Variants in PALD1 observed in about 807,000 individuals in gnomAD.
PALD1 encodes the protein paladin.
Under a neutral mutation model 96.0 loss-of-function variants are expected in PALD1, and 57 were observed. That is an observed-to-expected ratio of 0.59 (90% CI 0.48 to 0.74). The LOEUF (loss-of-function observed/expected upper bound fraction) is 0.74. PALD1 is among the 30% of genes least tolerant of loss of function. PALD1 has a pLI of 0.00. For synonymous variants in PALD1, 464 were observed against 473.6 expected (o/e 0.98, Z 0.26); for missense variants, 1,063 against 1,143.7 (o/e 0.93, Z 1.02).
intron 18 of PALD1, among the ~76,000 whole-genome samples, chr10:70,555,868 G>GCGGTCACCTGTAGTCC (rs1350981705): frequency 6.6e-6 from 1 of 152,148 alleles, no homozygotes; most frequent in African/African-American, 2.4e-5. Context: ...GCGCGAGGTG[G>GCGGTCACCTGTAGTCC]CGGTCACCTG....
In PALD1 at chr10:70,539,307, A is replaced by G; in HGVS notation, c.1725+60A>G. The G allele has an allele frequency of 2.0e-6, 3 of 1,508,712 alleles. No individual in the cohort carries two copies. The highest frequency in any genetic ancestry group is 2.7e-6 in the Non-Finnish European group (3 of 1,121,178). The allele number at this position is 1,508,712 out of a possible 1,614,324, so 93.5% of individuals were successfully genotyped here. ...CGAGGCTTCTGGGGAGTGGCCTGGG[A>G]GGGTCTTCAGAAGGCCTCACACTCC... On this transcript the variant is annotated intron_variant, in intron 14 of 19. Coordinates refer to ENST00000263563, the MANE Select transcript of PALD1 (RefSeq NM_014431.3). The surrounding 1 kb of genome is among the most constrained non-coding windows in gnomAD (Gnocchi z 4.5).
At chr10:70,485,051 T>C (rs1845994596) in intron 1 of PALD1, among the ~76,000 whole-genome samples, 1 of 152,196 alleles carries the variant, frequency 6.6e-6, no homozygotes, top group Admixed American at 6.5e-5. Flanking sequence ...GAACTGTCTT[T>C]TCATGTGAAA....
intron 12 of PALD1, 140 bp downstream of exon 12, chr10:70,538,548 T>C (rs10999381): frequency 0.19 from 164,833 of 888,224 alleles, 17,511 homozygotes; most frequent in Middle Eastern, 0.26. Context: ...TGGGATCCTC[T>C]TGTGAACAGA....
Position 70,526,095 on chromosome 10 carries a change from C to T in PALD1, c.144C>T (p.Ala48=). 6.2e-7 allele frequency: 1 copy of T among 1,614,196 alleles called. No individual in the cohort carries two copies. The highest frequency in any genetic ancestry group is 8.5e-7 in the Non-Finnish European group (1 of 1,180,004). ...GCACTAGCTTGCATAACAGCAAGGCCAAGTCCATCATCCCCAACAAGGTGG... is the reference window on the plus strand; with the variant it reads ...GCACTAGCTTGCATAACAGCAAGGCTAAGTCCATCATCCCCAACAAGGTGG... ...FQSTSLHNSK[A]KSIIPNKVAP... The change falls in exon 2 of 20, where the codon GCC becomes GCT. Residue 48 remains alanine (A), a synonymous_variant. Transcript: ENST00000263563.
At position 70,531,276 on chromosome 10, in the gene PALD1, C is replaced by T. The variant is rs199518746; in HGVS notation, c.469-14C>T. On this transcript the variant is annotated splice_polypyrimidine_tract_variant and intron_variant, in intron 4 of 19. Coordinates refer to ENST00000263563, the MANE Select transcript of PALD1 (RefSeq NM_014431.3). The stretch of plus-strand genomic sequence containing the variant: ...TCATGATGATGGCTTCCTTCCCCCT[C>T]GGGCTCCTGGCAGGAGTGTGTCATC... The T allele has an allele frequency of 1.5e-4, 234 of 1,605,776 alleles. No homozygotes were observed. The African/African-American group carries it at 2.6e-3, about 18-fold the overall frequency.
chr10:70,465,667 C>G, the PALD1 span, among the ~76,000 whole-genome samples: 1 of 152,090 alleles, frequency 6.6e-6, no homozygotes, highest in East Asian at 1.9e-4. Flanking sequence ...AGCCTGACAC[C>G]CTCCAAGACA....
Position 70,539,952 on chromosome 10 carries a change from G to A in PALD1, c.1908+190G>A, listed in dbSNP as rs181283491. ...CCTTCCAAGCTTTGTGTGTGTGTACGTGTGTTTATTATGTGTTATAGGGTA... is the reference window on the plus strand; with the variant it reads ...CCTTCCAAGCTTTGTGTGTGTGTACATGTGTTTATTATGTGTTATAGGGTA... On this transcript the variant is annotated intron_variant, in intron 15 of 19. Transcript: ENST00000263563. This position sits in a 1 kb window ranked among gnomAD's most constrained non-coding sequence, Gnocchi z 4.5. 1.1e-4 allele frequency among the ~76,000 whole-genome samples: 16 copies of A among 152,208 alleles called. No homozygotes were observed. Among genetic ancestry groups the A allele is most frequent in the Non-Finnish European group, 1.3e-4 (9 of 68,004 alleles).
chr10:70,518,660 A>T (rs1335265667), intron 1 of PALD1, among the ~76,000 whole-genome samples: 1 of 152,210 alleles, frequency 6.6e-6, no homozygotes, highest in Admixed American at 6.5e-5. Context: ...ACTTGTTAAG[A>T]GTTGGCACCT....
At chr10:70,467,019 A>G in the PALD1 span, among the ~76,000 whole-genome samples, 1 of 152,252 alleles carries the variant, frequency 6.6e-6, no homozygotes, top group Non-Finnish European at 1.5e-5. Context: ...CCCTCTTCAG[A>G]GACTTGAAGT....
At chr10:70,462,695 C>T in the PALD1 span, among the ~76,000 whole-genome samples, 1 of 152,242 alleles carries the variant, frequency 6.6e-6, no homozygotes, top group African/African-American at 2.4e-5. Context: ...CCTTGTGCCC[C>T]CCTGGCACTG....
Position 70,539,619 on chromosome 10 carries a change from C to T in PALD1, c.1765C>T (p.Pro589Ser), listed in dbSNP as rs144093353. 26 of 1,612,666 alleles carry T rather than the reference C, an allele frequency of 1.6e-5. No homozygotes were observed. The African/African-American group carries it at 2.5e-4, about 16-fold the overall frequency. Residue 589 changes from proline (P) to serine (S), a missense_variant, in exon 15 of 20, where the codon CCC becomes TCC. Coordinates refer to ENST00000263563, the MANE Select transcript of PALD1 (RefSeq NM_014431.3). This position sits in a 1 kb window ranked among gnomAD's most constrained non-coding sequence, Gnocchi z 4.5. Reference protein sequence around the residue: ...AQLKAHLSEPPPGKEGPLTYR... With the variant: ...AQLKAHLSEPSPGKEGPLTYR... ...GCTGAAGGCCCATCTAAGCGAGCCT[C>T]CCCCAGGCAAGGAGGGCCCCCTGAC...
intron 1 of PALD1, among the ~76,000 whole-genome samples, chr10:70,506,194 A>G (rs1437260555): frequency 6.6e-6 from 1 of 152,166 alleles, no homozygotes; most frequent in Admixed American, 6.5e-5. Context: ...CTGCCTCATC[A>G]TGGACCCTTA....
rs373363215 is a variant in PALD1, at chr10:70,531,311, C to T, written c.490C>T (p.Arg164Trp). 8.7e-6 allele frequency: 14 copies of T among 1,613,300 alleles called. No individual in the cohort carries two copies. Among genetic ancestry groups the T allele is most frequent in the Admixed American group, 5.0e-5 (3 of 59,968 alleles). The part of the protein sequence containing the change: ...GHRECVIFCV[R>W]EEPVLFLRAD... Reference sequence around the variant, plus strand: ...GCAGGAGTGTGTCATCTTCTGTGTGCGGGAGGAACCTGTGCTTTTCCTGCG... The same window carrying T: ...GCAGGAGTGTGTCATCTTCTGTGTGTGGGAGGAACCTGTGCTTTTCCTGCG... The change falls in exon 5 of 20, where the codon CGG (arginine) becomes TGG (tryptophan). Residue 164 changes from arginine (R) to tryptophan (W), a missense_variant. Coordinates refer to ENST00000263563, the MANE Select transcript of PALD1 (RefSeq NM_014431.3).
intron 1 of PALD1, among the ~76,000 whole-genome samples, chr10:70,492,763 T>C (rs922489679): frequency 2.6e-5 from 4 of 152,158 alleles, no homozygotes; most frequent in East Asian, 1.9e-4. Context: ...CCTTGACTTA[T>C]GATATGTATA....
chr10:70,517,382 C>G (rs1005424734), intron 1 of PALD1, among the ~76,000 whole-genome samples: 1 of 149,906 alleles, frequency 6.7e-6, no homozygotes, highest in African/African-American at 2.5e-5. Context: ...TGCTCTGTCA[C>G]CCAGGCTGGA....
In PALD1 at chr10:70,539,574, G is replaced by A; in HGVS notation, c.1726-6G>A. The A allele has an allele frequency of 6.2e-7, 1 of 1,604,256 alleles. No individual in the cohort carries two copies. ...GGCCTGTGTCCTCCCTCCTGCCCTT[G>A]CCCAGACCCTGGAGGCCCAGCTGAA... On this transcript the variant is annotated splice_region_variant and splice_polypyrimidine_tract_variant and intron_variant, in intron 14 of 19. Coordinates refer to ENST00000263563, the MANE Select transcript of PALD1 (RefSeq NM_014431.3). This position sits in a 1 kb window ranked among gnomAD's most constrained non-coding sequence, Gnocchi z 4.5.
intron 1 of PALD1, among the ~76,000 whole-genome samples, chr10:70,495,425 G>T (rs1407901433): frequency 6.6e-6 from 1 of 152,084 alleles, no homozygotes; most frequent in East Asian, 1.9e-4. Flanking sequence ...GTACTTCGCA[G>T]CTGTTTGTTG....
intron 1 of PALD1, among the ~76,000 whole-genome samples, chr10:70,479,673 G>A (rs1345592060): frequency 6.6e-6 from 1 of 152,224 alleles, no homozygotes; most frequent in Non-Finnish European, 1.5e-5. Context: ...GATGGTTGGA[G>A]CCCTTTCTCT....
chr10:70,563,897 C>G (rs1356617220), intron 18 of PALD1, among the ~76,000 whole-genome samples: 1 of 152,188 alleles, frequency 6.6e-6, no homozygotes, highest in Admixed American at 6.5e-5. Flanking sequence ...ATACCCTCGC[C>G]GAGGGAGGCC....
Sources: gnomAD v4.1 joint callset for allele counts (sites outside exome capture counted in the v4.1 genomes callset) on GRCh38, gnomAD v4.1.1 for gene constraint, Gnocchi (gnomAD v3.1) non-coding constraint, MANE v1.5 for transcripts, NCBI Gene and HGNC (gene_info 2026-07-23, HGNC 2026-07-21) for gene names.